Variants in RIC1 observed in about 807,000 individuals in gnomAD.
RIC1 encodes RIC1 partner of RAB6A GEF complex.
A neutral mutation model predicts 169.0 loss-of-function variants in RIC1; 88 were observed. The ratio of observed to expected loss-of-function variants is 0.52; its 90% CI spans 0.44 to 0.62. The LOEUF is 0.62. Among genes scored for constraint, RIC1 ranks in the 20% least tolerant of loss-of-function variants. RIC1 has a pLI of 0.00. For missense variants in RIC1, 1,877 were observed against 1,725.5 expected, an observed-to-expected ratio of 1.09 and a Z score of -1.56; for synonymous variants, 790 against 601.5, an observed-to-expected ratio of 1.31 and a Z score of -4.59.
chr9:5,702,633 G>C (rs183275544), intron 3 of RIC1, among the ~76,000 whole-genome samples: 1 of 152,226 alleles, frequency 6.6e-6, no homozygotes, highest in East Asian at 1.9e-4. Flanking sequence ...CCGCCTCCCG[G>C]GTTGAAGCAA....
In RIC1 at chr9:5,776,211, A is replaced by G. The variant is rs914577847; in HGVS notation, c.*1965A>G. 14 of 152,160 alleles carry G rather than the reference A, an allele frequency of 9.2e-5. No homozygotes were observed. The highest frequency in any genetic ancestry group is 1.5e-5 in the Non-Finnish European group (1 of 68,006). The allele number at this position is 152,160 out of a possible 1,614,324, so 9.4% of individuals were successfully genotyped here. ...CATTTCTTTTATACAATATTCTTTT[A>G]CAACTAATAGAGATAGGAGGCCCCC... On this transcript the variant is annotated 3_prime_UTR_variant, in exon 26 of 26. Coordinates refer to ENST00000414202, the MANE Select transcript of RIC1 (RefSeq NM_020829.4).
intron 2 of RIC1, among the ~76,000 whole-genome samples, chr9:5,684,421 A>G (rs908673211): frequency 6.6e-6 from 1 of 151,758 alleles, no homozygotes; most frequent in African/African-American, 2.4e-5. Flanking sequence ...GTATTTCTCC[A>G]TTGAAGTATT....
intron 3 of RIC1, among the ~76,000 whole-genome samples, chr9:5,704,469 C>G (rs969435259): frequency 1.1e-4 from 16 of 152,222 alleles, no homozygotes; most frequent in African/African-American, 3.6e-4. Flanking sequence ...GTCTTGGCCC[C>G]CCAAAGTGCT....
intron 2 of RIC1, among the ~76,000 whole-genome samples, chr9:5,673,538 A>ATATATATATATATATATATATATATT (rs1563887221): frequency 1.0e-4 from 14 of 137,502 alleles, no homozygotes; most frequent in Non-Finnish European, 6.1e-5. Flanking sequence ...ATAAGGAGAT[A>ATATATATATATATATATATATATATT]TATATATATA....
chr9:5,661,393 G>A (rs187557822), intron 2 of RIC1, among the ~76,000 whole-genome samples: 2 of 152,194 alleles, frequency 1.3e-5, no homozygotes, highest in East Asian at 1.9e-4. Flanking sequence ...AGTTTAATGG[G>A]GATAGCATTG....
chr9:5,777,324 T>C (rs1424894698), downstream of RIC1, among the ~76,000 whole-genome samples: 4 of 151,508 alleles, frequency 2.6e-5, no homozygotes, highest in African/African-American at 9.7e-5. Flanking sequence ...TTTTAAGTAA[T>C]GTTAATTACA....
intron 3 of RIC1, among the ~76,000 whole-genome samples, chr9:5,704,199 G>C (rs1429966907): frequency 6.6e-6 from 1 of 151,526 alleles, no homozygotes; most frequent in African/African-American, 2.4e-5. Flanking sequence ...ATCTATTCAA[G>C]TCTTCTTCCC....
intron 1 of RIC1, among the ~76,000 whole-genome samples, chr9:5,647,119 CTATT>C (rs1348706022): frequency 6.6e-6 from 1 of 152,086 alleles, no homozygotes; most frequent in African/African-American, 2.4e-5. Context: ...AATAATTTGA[CTATT>C]TATGCAAGAG....
Position 5,685,467 on chromosome 9 carries a change from C to T in RIC1, c.253-4492C>T, listed in dbSNP as rs1416585329. ...AACAGAACAGAGCCCTCAGAAATAA[C>T]GCCACATACCTACAACTATCTGATC... On this transcript the variant is annotated intron_variant, in intron 2 of 25. Coordinates refer to ENST00000414202, the MANE Select transcript of RIC1 (RefSeq NM_020829.4). Among the ~76,000 whole-genome samples the T allele has an allele frequency of 1.2e-4, 18 of 149,218 alleles. No individual in the cohort carries two copies. In the South Asian group the frequency reaches 1.3e-3, roughly 11 times the overall value.
chr9:5,773,297 C>T (rs1318593793), intron 25 of RIC1: 1 of 199,494 alleles, frequency 5.0e-6, no homozygotes, highest in Non-Finnish European at 9.8e-6. Flanking sequence ...CACTGTTGGT[C>T]AGTGTATAAT....
At chr9:5,754,086 C>G (rs1273283368) in intron 14 of RIC1, among the ~76,000 whole-genome samples, 1 of 152,086 alleles carries the variant, frequency 6.6e-6, no homozygotes, top group Non-Finnish European at 1.5e-5. Flanking sequence ...GAAATCAGTA[C>G]TTATTAGGTG....
chr9:5,728,240 A>T (rs1355306128), intron 6 of RIC1, among the ~76,000 whole-genome samples: 11 of 152,192 alleles, frequency 7.2e-5, no homozygotes, highest in Admixed American at 5.2e-4. Flanking sequence ...AGCCTTAGCA[A>T]TGGTAGACAC....
chr9:5,640,329 TCAAA>T (rs1057302004), intron 1 of RIC1, among the ~76,000 whole-genome samples: 4 of 152,226 alleles, frequency 2.6e-5, no homozygotes, highest in African/African-American at 9.6e-5. Flanking sequence ...GTATAAGCAG[TCAAA>T]CACACACAAA....
intron 14 of RIC1, 85 bp from the exon 15 acceptor site, chr9:5,754,756 C>A: frequency 2.5e-6 from 2 of 793,390 alleles, no homozygotes; most frequent in South Asian, 2.3e-5. Context: ...TGAGCTTTGT[C>A]TGGGTAAGAA....
chr9:5,722,722 G>A (rs965241835), intron 6 of RIC1, among the ~76,000 whole-genome samples: 8 of 147,424 alleles, frequency 5.4e-5, no homozygotes, highest in Admixed American at 4.7e-4. Flanking sequence ...CCCACCCCAC[G>A]ACAGGCCCTG....
Position 5,629,296 on chromosome 9 carries a change from G to T in RIC1, c.-14G>T. ...ACGGACGCAACTGGGGGCGCCGGGGGCTCCGCACGGACCATGTATTTTCTG... is the reference window on the plus strand; with the variant it reads ...ACGGACGCAACTGGGGGCGCCGGGGTCTCCGCACGGACCATGTATTTTCTG... On this transcript the variant is annotated 5_prime_UTR_variant, in exon 1 of 26. Coordinates refer to ENST00000414202, the MANE Select transcript of RIC1 (RefSeq NM_020829.4). The T allele has an allele frequency of 4.7e-6, 7 of 1,491,594 alleles. No individual in the cohort carries two copies. Among genetic ancestry groups the T allele is most frequent in the Non-Finnish European group, 6.2e-6 (7 of 1,125,288 alleles). 92.4% of individuals were successfully genotyped at this position (1,491,594 alleles called of 1,614,324 possible).
intron 2 of RIC1, among the ~76,000 whole-genome samples, chr9:5,659,713 C>A (rs1169582021): frequency 6.6e-6 from 1 of 152,098 alleles, no homozygotes; most frequent in Non-Finnish European, 1.5e-5. Flanking sequence ...GTTCAGTATG[C>A]AAGTCTTTTT....
Position 5,765,767 on chromosome 9 carries a change from C to T in RIC1, c.3106C>T (p.Leu1036=). 6.2e-7 allele frequency: 1 copy of T among 1,614,146 alleles called. No individual in the cohort carries two copies. Among genetic ancestry groups the T allele is most frequent in the South Asian group, 1.1e-5 (1 of 91,076 alleles). Residue 1036 remains leucine, a synonymous_variant, in exon 21 of 26, where the codon CTA becomes TTA. Transcript: ENST00000414202. ...CAGTAAATTCAGTTTACAGAAAACACTAAGTATGCCATCTGGTCCCTCTGG... is the reference window on the plus strand; with the variant it reads ...CAGTAAATTCAGTTTACAGAAAACATTAAGTATGCCATCTGGTCCCTCTGG... ...PASKFSLQKT[L]SMPSGPSGKR...
In RIC1 at chr9:5,774,216, G is replaced by T; in HGVS notation, c.4242G>T (p.Gln1414His). 1 of 1,612,956 alleles carries T rather than the reference G, an allele frequency of 6.2e-7. No individual in the cohort carries two copies. The highest frequency in any genetic ancestry group is 1.7e-4 in the Middle Eastern group (1 of 6,054). Residue 1414 changes from glutamine (Q) to histidine (H), a missense_variant, in exon 26 of 26, where the codon CAG becomes CAT. Around this residue, in one of 3 missense-constraint regions of RIC1, gnomAD observed 681 missense variants for 582.0 expected, o/e 1.17. Coordinates refer to ENST00000414202, the MANE Select transcript of RIC1 (RefSeq NM_020829.4). ...TAQAEEEEPFQDGTYDCSVS is the reference protein window; with the variant it reads ...TAQAEEEEPFHDGTYDCSVS ...AAGCAGAGGAGGAAGAACCTTTTCA[G>T]GATGGGACTTACGACTGTTCTGTGT... is the stretch of plus-strand genomic sequence containing the variant.
Sources: gnomAD v4.1 joint callset for allele counts (sites outside exome capture counted in the v4.1 genomes callset) on GRCh38, gnomAD v4.1.1 for gene constraint, gnomAD v4.1.1 regional missense constraint, MANE v1.5 for transcripts, NCBI Gene and HGNC (gene_info 2026-07-23, HGNC 2026-07-21) for gene names.